ST18: variants seen among roughly 807,000 people sequenced by gnomAD.
ST18 encodes the protein ST18 C2H2C-type zinc finger transcription factor.
In ST18, 50 loss-of-function variants were observed where a neutral mutation model predicts 110.0. The ratio of observed to expected loss-of-function variants is 0.45; its 90% CI spans 0.36 to 0.58. The LOEUF (loss-of-function observed/expected upper bound fraction) is 0.58. Among genes scored for constraint, ST18 ranks in the 20% least tolerant of loss-of-function variants. The pLI is 0.00. For missense variants in ST18, 1,306 were observed against 1,280.1 expected, an observed-to-expected ratio of 1.02 and a Z score of -0.31; for synonymous variants, 461 against 452.4, an observed-to-expected ratio of 1.02 and a Z score of -0.24.
chr8:52,363,782 G>T (rs1826730756), intron 2 of ST18, among the ~76,000 whole-genome samples: 1 of 151,950 alleles, frequency 6.6e-6, no homozygotes, highest in South Asian at 2.1e-4. Flanking sequence ...TTCAATTGTT[G>T]TGGTGGATAT....
rs77284416 is a variant in ST18, at chr8:52,149,237, C to T, written c.2052+495G>A. On this transcript the variant is annotated intron_variant, in intron 16 of 25. Transcript: ENST00000689386. The stretch of plus-strand genomic sequence containing the variant: ...TCAAGATTAATTCAATTTAGACATC[C>T]AACATTTCGATCCAATGCCTTAAAC... 4.6e-3 allele frequency among the ~76,000 whole-genome samples: 703 copies of T among 152,322 alleles called. 2 individuals carry two copies. Among genetic ancestry groups the T allele is most frequent in the African/African-American group, 0.015 (639 of 41,550 alleles).
intron 2 of ST18, among the ~76,000 whole-genome samples, chr8:52,297,054 A>G (rs16917643): frequency 0.085 from 12,978 of 152,292 alleles, 597 homozygotes; most frequent in East Asian, 0.13. Flanking sequence ...TAAATGGGAC[A>G]GAACTGATAG....
At chr8:52,316,928 G>T (rs960134328) in intron 2 of ST18, among the ~76,000 whole-genome samples, 1 of 152,142 alleles carries the variant, frequency 6.6e-6, no homozygotes, top group African/African-American at 2.4e-5. Context: ...CCCTTATCAG[G>T]AATTTGGGAA....
chr8:52,252,662 C>G (rs74491985), intron 2 of ST18, among the ~76,000 whole-genome samples: 12,960 of 151,944 alleles, frequency 0.085, 602 homozygotes, highest in East Asian at 0.16. Context: ...GATGCTCCTA[C>G]CATAACATAA....
At chr8:52,220,235 G>C (rs1045225116) in intron 5 of ST18, among the ~76,000 whole-genome samples, 2 of 152,116 alleles carry the variant, frequency 1.3e-5, no homozygotes, top group Admixed American at 1.3e-4. Flanking sequence ...GTCAATGTTA[G>C]AAATCAAGCT....
At chr8:52,158,479 G>T (rs1029333901) in intron 15 of ST18, among the ~76,000 whole-genome samples, 2 of 152,178 alleles carry the variant, frequency 1.3e-5, no homozygotes, top group African/African-American at 4.8e-5. Context: ...TGTTTCACAA[G>T]TCACCATTTG....
intron 2 of ST18, among the ~76,000 whole-genome samples, chr8:52,379,624 G>A (rs767081786): frequency 6.6e-6 from 1 of 151,066 alleles, no homozygotes; most frequent in Non-Finnish European, 1.5e-5. Context: ...ATTAGAAAAA[G>A]GTATGTCACA....
At chr8:52,338,127 C>T (rs933050246) in intron 2 of ST18, among the ~76,000 whole-genome samples, 13 of 151,978 alleles carry the variant, frequency 8.6e-5, no homozygotes, top group South Asian at 2.1e-4. Flanking sequence ...GGCATGTTCT[C>T]GGCTCACTGC....
chr8:52,372,639 T>G (rs964080871), intron 2 of ST18, among the ~76,000 whole-genome samples: 1 of 152,222 alleles, frequency 6.6e-6, no homozygotes, highest in African/African-American at 2.4e-5. Flanking sequence ...TAAATATGTT[T>G]AGATACAAAT....
rs373421439 is a variant in ST18 at position 52,212,074 on chromosome 8, C to T, written c.86+5G>A. The T allele has an allele frequency of 6.2e-7, 1 of 1,605,690 alleles. No homozygotes were observed. Among genetic ancestry groups the T allele is most frequent in the Non-Finnish European group, 8.5e-7 (1 of 1,178,174 alleles). On this transcript the variant is annotated splice_donor_5th_base_variant and intron_variant, in intron 8 of 25. Coordinates refer to ENST00000689386, the MANE Select transcript of ST18 (RefSeq NM_001352837.2). ...GAAAAAAAAGTAATATAGGGTAAATCTTACCTGAGCTCCTGGATTAGTGAA... is the reference window on the plus strand; with the variant it reads ...GAAAAAAAAGTAATATAGGGTAAATTTTACCTGAGCTCCTGGATTAGTGAA...
intron 2 of ST18, among the ~76,000 whole-genome samples, chr8:52,280,322 G>T (rs2095351899): frequency 6.6e-6 from 1 of 151,986 alleles, no homozygotes; most frequent in South Asian, 2.1e-4. Flanking sequence ...AATCTTTCTA[G>T]TCATAAAACA....
At chr8:52,385,203 G>T (rs1836111079) in intron 2 of ST18, among the ~76,000 whole-genome samples, 1 of 152,138 alleles carries the variant, frequency 6.6e-6, no homozygotes, top group African/African-American at 2.4e-5. Context: ...GGGATGAGCT[G>T]GTTCCCTCGG....
intron 19 of ST18, 89 bp from the exon 20 acceptor site, chr8:52,133,390 C>T: frequency 6.9e-7 from 1 of 1,456,864 alleles, no homozygotes; most frequent in Non-Finnish European, 9.6e-7. Flanking sequence ...CTTCAGTAAT[C>T]ACATTAATGT....
intron 22 of ST18, among the ~76,000 whole-genome samples, chr8:52,128,188 C>T (rs1027750914): frequency 2.6e-5 from 4 of 152,152 alleles, no homozygotes; most frequent in Admixed American, 2.0e-4. Context: ...AGGCTGGACT[C>T]GAACTCCTGA....
At chr8:52,176,482 T>A (rs1298057440) in intron 9 of ST18, among the ~76,000 whole-genome samples, 4 of 152,232 alleles carry the variant, frequency 2.6e-5, no homozygotes, top group Admixed American at 2.6e-4. Flanking sequence ...TGGGAGGGCA[T>A]AACCAGAGGG....
At chr8:52,357,326 T>C (rs1823202661) in intron 2 of ST18, among the ~76,000 whole-genome samples, 1 of 152,026 alleles carries the variant, frequency 6.6e-6, no homozygotes, top group South Asian at 2.1e-4. Context: ...AGTCGTTTCT[T>C]ACCAGTGACT....
intron 13 of ST18, 30 bp downstream of exon 13, chr8:52,163,956 A>G: frequency 6.4e-7 from 1 of 1,551,748 alleles, no homozygotes; most frequent in Non-Finnish European, 8.9e-7. Flanking sequence ...GGATGAAGAG[A>G]GCACTGAGAA....
chr8:52,313,845 C>A (rs138475724), intron 2 of ST18, among the ~76,000 whole-genome samples: 7 of 152,204 alleles, frequency 4.6e-5, no homozygotes, highest in Non-Finnish European at 1.0e-4. Context: ...TCAGTCCTGG[C>A]AACTTCTGCC....
intron 23 of ST18, among the ~76,000 whole-genome samples, chr8:52,125,406 TACAC>T (rs1378024456): frequency 2.5e-5 from 2 of 81,404 alleles, no homozygotes; most frequent in South Asian, 3.3e-4. Context: ...CACACACACA[TACAC>T]ACACACGAGA....
Sources: allele counts gnomAD v4.1 joint callset (sites outside exome capture counted in the v4.1 genomes callset), GRCh38; gene constraint gnomAD v4.1.1; transcripts MANE v1.5; gene names NCBI Gene and HGNC (gene_info 2026-07-23, HGNC 2026-07-21).